Variants in ITPR2 observed in about 807,000 individuals in gnomAD.
The protein encoded by ITPR2 is inositol 1,4,5-trisphosphate-gated calcium channel ITPR2.
ITPR2 carries 207 observed loss-of-function variants against 317.1 expected under a neutral mutation model. The observed-to-expected ratio is 0.65, with a 90% CI of 0.58 to 0.73. ITPR2 has a LOEUF of 0.73. Among genes scored for constraint, ITPR2 ranks in the 30% least tolerant of loss-of-function variants. The pLI is 0.00. For synonymous variants in ITPR2, 1,156 were observed against 1,149.1 expected (o/e 1.01, Z -0.12); for missense variants, 2,613 against 3,284.0 (o/e 0.80, Z 4.99).
intron 42 of ITPR2, among the ~76,000 whole-genome samples, chr12:26,482,542 A>G (rs1301945261): frequency 6.6e-6 from 1 of 152,228 alleles, no homozygotes; most frequent in Non-Finnish European, 1.5e-5. Flanking sequence ...CTGAATTTGT[A>G]TGTTTTTCCT....
chr12:26,472,880 TTTTG>T (rs373786021), intron 45 of ITPR2, among the ~76,000 whole-genome samples: 21 of 152,264 alleles, frequency 1.4e-4, no homozygotes, highest in East Asian at 3.9e-4. Context: ...TTTTTTTGTT[TTTTG>T]TTTGTTTGTT....
chr12:26,778,490 C>G (rs527441151), intron 2 of ITPR2, among the ~76,000 whole-genome samples: 1 of 152,320 alleles, frequency 6.6e-6, no homozygotes, highest in Admixed American at 6.5e-5. Flanking sequence ...CTCCTGGTAC[C>G]TAGCATGCAG....
intron 2 of ITPR2, among the ~76,000 whole-genome samples, chr12:26,772,470 T>TATATATATATAATATATA (rs1555189219): frequency 3.0e-5 from 3 of 101,192 alleles, no homozygotes; most frequent in Non-Finnish European, 6.7e-5. Context: ...AATACATGTA[T>TATATATATATAATATATA]TATATATAAT....
intron 43 of ITPR2, among the ~76,000 whole-genome samples, chr12:26,479,110 T>C (rs949938064): frequency 2.7e-5 from 4 of 149,312 alleles, no homozygotes; most frequent in African/African-American, 7.4e-5. Context: ...CCCTCAAAGA[T>C]TGTTTAGAAA....
At chr12:26,399,841 TAACA>T (rs1193131363) in intron 53 of ITPR2, among the ~76,000 whole-genome samples, 3 of 152,240 alleles carry the variant, frequency 2.0e-5, no homozygotes, top group African/African-American at 7.2e-5. Flanking sequence ...GTTATTTGTG[TAACA>T]ATCAACTCCT....
At chr12:26,677,881 A>G (rs1326566214) in intron 13 of ITPR2, among the ~76,000 whole-genome samples, 1 of 152,208 alleles carries the variant, frequency 6.6e-6, no homozygotes, top group African/African-American at 2.4e-5. Flanking sequence ...CAACATCAGA[A>G]TGACATCTGA....
At chr12:26,485,896 G>C (rs1942653966) in intron 41 of ITPR2, among the ~76,000 whole-genome samples, 1 of 152,140 alleles carries the variant, frequency 6.6e-6, no homozygotes, top group South Asian at 2.1e-4. Context: ...CACTGTATGA[G>C]CCTGATTTTT....
At chr12:26,709,320 T>C (rs1040320689) in intron 9 of ITPR2, among the ~76,000 whole-genome samples, 2 of 152,204 alleles carry the variant, frequency 1.3e-5, no homozygotes, top group Admixed American at 6.5e-5. Flanking sequence ...AAAGATGTTA[T>C]CTAAAGTATT....
intron 54 of ITPR2, among the ~76,000 whole-genome samples, chr12:26,391,878 T>C (rs1471016985): frequency 1.3e-5 from 2 of 152,082 alleles, no homozygotes; most frequent in East Asian, 3.9e-4. Flanking sequence ...TTCTGAAAGC[T>C]TCTGAGTAGA....
At chr12:26,411,090 G>A (rs1940531784) in intron 52 of ITPR2, 1 of 465,708 alleles carries the variant, frequency 2.1e-6, no homozygotes, top group East Asian at 3.9e-5. Flanking sequence ...CAGGGTAAAT[G>A]TGCTAAATCC....
At chr12:26,399,883 T>C (rs557736201) in intron 53 of ITPR2, among the ~76,000 whole-genome samples, 47 of 152,344 alleles carry the variant, frequency 3.1e-4, no homozygotes, top group Admixed American at 2.8e-3. Context: ...ATGATTTCAT[T>C]GCTGTAATAC....
intron 9 of ITPR2, among the ~76,000 whole-genome samples, chr12:26,699,281 T>A (rs888892899): frequency 6.6e-6 from 1 of 152,194 alleles, no homozygotes; most frequent in Non-Finnish European, 1.5e-5. Context: ...AAAGACAATG[T>A]TACCTTCTAC....
chr12:26,632,978 T>C (rs531079391), intron 21 of ITPR2, among the ~76,000 whole-genome samples: 33 of 152,314 alleles, frequency 2.2e-4, no homozygotes, highest in African/African-American at 7.7e-4. Context: ...AGAATGGCTG[T>C]CTCCATTCCT....
chr12:26,758,023 T>C (rs1405626574), intron 2 of ITPR2, among the ~76,000 whole-genome samples: 1 of 152,212 alleles, frequency 6.6e-6, no homozygotes, highest in African/African-American at 2.4e-5. Flanking sequence ...TACTAAAATT[T>C]GATTCTGAAG....
intron 26 of ITPR2, among the ~76,000 whole-genome samples, chr12:26,610,231 C>G (rs1303196832): frequency 6.6e-6 from 1 of 152,192 alleles, no homozygotes; most frequent in Non-Finnish European, 1.5e-5. Flanking sequence ...GTCAGCTAAT[C>G]GATCACAAGT....
chr12:26,375,422 A>ATC (rs1939309041), intron 55 of ITPR2, among the ~76,000 whole-genome samples: 2 of 152,238 alleles, frequency 1.3e-5, no homozygotes, highest in Non-Finnish European at 2.9e-5. Flanking sequence ...ATTTCATACT[A>ATC]AAATGTAATC....
At chr12:26,475,094 T>G (rs1942387170) in intron 45 of ITPR2, among the ~76,000 whole-genome samples, 1 of 152,170 alleles carries the variant, frequency 6.6e-6, no homozygotes, top group Admixed American at 6.5e-5. Flanking sequence ...TACCAAGCAC[T>G]CTTTTCCTGA....
intron 2 of ITPR2, among the ~76,000 whole-genome samples, chr12:26,751,618 C>T (rs1484741330): frequency 6.6e-6 from 1 of 151,970 alleles, no homozygotes. Flanking sequence ...GCCTGTAATC[C>T]CAGCACTTTG....
chr12:26,397,781 T>A (rs563115045), intron 54 of ITPR2, among the ~76,000 whole-genome samples: 74 of 152,298 alleles, frequency 4.9e-4, no homozygotes, highest in Middle Eastern at 6.8e-3. Flanking sequence ...AACGTTGTAG[T>A]GAACCCTTAG....
Sources: gnomAD v4.1 joint callset for allele counts (sites outside exome capture counted in the v4.1 genomes callset) on GRCh38, gnomAD v4.1.1 for gene constraint, MANE v1.5 for transcripts, NCBI Gene and HGNC (gene_info 2026-07-23, HGNC 2026-07-21) for gene names.